ACAD10: variants seen among roughly 807,000 people sequenced by gnomAD.
The protein encoded by ACAD10 is ACAD-10.
A neutral mutation model predicts 116.8 loss-of-function variants in ACAD10; 112 were observed. The observed-to-expected ratio is 0.96, with a 90% CI of 0.82 to 1.12. The LOEUF is 1.12. ACAD10 is among the 50% of genes most tolerant of loss of function. ACAD10 has a pLI of 0.00. For missense variants in ACAD10, 1,259 were observed against 1,350.2 expected (o/e 0.93, Z 1.06); for synonymous variants, 486 against 510.6 (o/e 0.95, Z 0.65).
At chr12:111,720,116 G>A (rs535212142) in intron 7 of ACAD10, among the ~76,000 whole-genome samples, 5 of 152,212 alleles carry the variant, frequency 3.3e-5, no homozygotes, top group East Asian at 1.9e-4. Context: ...CGCCCGCCTC[G>A]GCCTCCCAAA....
In ACAD10 at chr12:111,734,094, G is replaced by C. The variant is rs547678543; in HGVS notation, c.1540+26G>C. On this transcript the variant is annotated intron_variant, in intron 11 of 20. Coordinates refer to ENST00000313698, the MANE Select transcript of ACAD10 (RefSeq NM_025247.6). ...GTAGGAACTGCTGCTGGAGGATAGT[G>C]GGGGAGCAAGCCAGTTCTCCAAGCA... 5.0e-5 allele frequency: 80 copies of C among 1,613,728 alleles called. No homozygotes were observed. The South Asian group carries it at 7.8e-4, about 16-fold the overall frequency.
chr12:111,753,343 G>T, intron 18 of ACAD10: 2 of 378,846 alleles, frequency 5.3e-6, no homozygotes, highest in South Asian at 2.0e-5. Flanking sequence ...GCAGGAAGGG[G>T]TGCTGCGGTC....
intron 1 of ACAD10, among the ~76,000 whole-genome samples, chr12:111,688,751 G>A (rs891273306): frequency 4.6e-5 from 7 of 150,784 alleles, no homozygotes; most frequent in African/African-American, 1.7e-4. Context: ...GCAGTGAGCC[G>A]AGATCACACC....
At chr12:111,729,345 T>C (rs1481632581) in intron 9 of ACAD10, among the ~76,000 whole-genome samples, 2 of 151,938 alleles carry the variant, frequency 1.3e-5, no homozygotes, top group Non-Finnish European at 2.9e-5. Flanking sequence ...TCAAGCGATT[T>C]TCCTGCCTCA....
At chr12:111,734,638 CA>C (rs1248451507) in intron 11 of ACAD10, among the ~76,000 whole-genome samples, 1 of 151,916 alleles carries the variant, frequency 6.6e-6, no homozygotes, top group Non-Finnish European at 1.5e-5. Context: ...AAAACAAAAA[CA>C]AACCACATTT....
chr12:111,715,287 G>T (rs1032450270), intron 6 of ACAD10, among the ~76,000 whole-genome samples: 2 of 152,234 alleles, frequency 1.3e-5, no homozygotes, highest in African/African-American at 2.4e-5. Context: ...CCAGGATCCT[G>T]CAAGGGAGCC....
chr12:111,740,782 C>CAAAAAAAAAAAAA (rs751899672), intron 12 of ACAD10, among the ~76,000 whole-genome samples: 1 of 51,054 alleles, frequency 2.0e-5, no homozygotes, highest in Non-Finnish European at 4.4e-5. Context: ...GACTCCATCT[C>CAAAAAAAAAAAAA]AAAAAAAAAA....
At position 111,753,865 on chromosome 12, in the gene ACAD10, C is replaced by G; in HGVS notation, c.2911C>G (p.Arg971Gly). Reference sequence around the variant, plus strand: ...GTCGCGCGTGGAGATTGAGCAGGCACGGCTGCTGGTGCTGAGAGCTGCCCA... The same window carrying G: ...GTCGCGCGTGGAGATTGAGCAGGCAGGGCTGCTGGTGCTGAGAGCTGCCCA... ...AQSRVEIEQA[R>G]LLVLRAAHLM... Residue 971 changes from arginine (R) to glycine (G), a missense_variant, in exon 19 of 21, where the codon CGG becomes GGG. By Grantham distance (125) the Arg-to-Gly change is moderately radical. Coordinates refer to ENST00000313698, the MANE Select transcript of ACAD10 (RefSeq NM_025247.6). 6.2e-7 allele frequency: 1 copy of G among 1,613,078 alleles called. No individual in the cohort carries two copies.
chr12:111,710,980 G>A (rs77757448), intron 5 of ACAD10, among the ~76,000 whole-genome samples: 5,197 of 152,234 alleles, frequency 0.034, 309 homozygotes, highest in African/African-American at 0.12. Flanking sequence ...AGTTAAATGG[G>A]AAGAGGAAAT....
At chr12:111,741,118 G>T (rs1778758541) in intron 12 of ACAD10, among the ~76,000 whole-genome samples, 1 of 152,198 alleles carries the variant, frequency 6.6e-6, no homozygotes, top group Admixed American at 6.5e-5. Flanking sequence ...AGTACCCAGA[G>T]AATTTCTAGT....
intron 12 of ACAD10, among the ~76,000 whole-genome samples, chr12:111,740,500 C>G (rs577113967): frequency 6.7e-6 from 1 of 149,592 alleles, no homozygotes; most frequent in South Asian, 2.1e-4. Context: ...TGGCTCATGC[C>G]TGTAATCCCA....
intron 12 of ACAD10, among the ~76,000 whole-genome samples, chr12:111,737,547 A>G (rs929797267): frequency 3.3e-5 from 5 of 152,148 alleles, no homozygotes; most frequent in African/African-American, 9.7e-5. Context: ...AAATTTTTCC[A>G]GTTAAAGCAT....
At chr12:111,702,127 A>G (rs561331963) in intron 2 of ACAD10, 35 bp from the exon 3 acceptor site, 39 of 1,604,120 alleles carry the variant, frequency 2.4e-5, no homozygotes, top group South Asian at 7.8e-5. Context: ...GCATGTATCA[A>G]TGTATTCCAC....
intron 2 of ACAD10, 65 bp downstream of exon 2, chr12:111,692,961 G>T: frequency 1.3e-6 from 2 of 1,561,088 alleles, no homozygotes; most frequent in Non-Finnish European, 1.7e-6. Flanking sequence ...GAGGGTGATC[G>T]GGAAGGCAGA....
chr12:111,710,486 G>T, intron 5 of ACAD10: 1 of 245,758 alleles, frequency 4.1e-6, no homozygotes, highest in Non-Finnish European at 8.2e-6. Context: ...GGCACAAGAG[G>T]GTATTGTGAA....
chr12:111,724,004 A>G (rs1889134865), intron 8 of ACAD10, among the ~76,000 whole-genome samples: 1 of 147,540 alleles, frequency 6.8e-6, no homozygotes, highest in South Asian at 2.2e-4. Flanking sequence ...CCAGGCAGAG[A>G]CGCTCCTCAC....
chr12:111,726,299 A>G (rs528762824), intron 8 of ACAD10, among the ~76,000 whole-genome samples: 45 of 152,116 alleles, frequency 3.0e-4, no homozygotes, highest in Non-Finnish European at 6.5e-4. Context: ...GTTTGCTAGT[A>G]ATGACCAAAA....
At chr12:111,755,856 C>A in intron 20 of ACAD10, 111 bp downstream of exon 20, 1 of 1,093,806 alleles carries the variant, frequency 9.1e-7, no homozygotes, top group Non-Finnish European at 1.4e-6. Flanking sequence ...CCCTGTGTCA[C>A]CCACTCACCA....
chr12:111,734,789 TAAAAC>T (rs1889498785), intron 11 of ACAD10, among the ~76,000 whole-genome samples: 2 of 152,364 alleles, frequency 1.3e-5, no homozygotes, highest in Admixed American at 1.3e-4. Context: ...GTACATTTCC[TAAAAC>T]AAAACAAAAA....
Sources: allele counts gnomAD v4.1 joint callset (sites outside exome capture counted in the v4.1 genomes callset), GRCh38; gene constraint gnomAD v4.1.1; transcripts MANE v1.5; gene names NCBI Gene and HGNC (gene_info 2026-07-23, HGNC 2026-07-21).